Variants in FRMPD4 observed in about 807,000 individuals in gnomAD.
FRMPD4 encodes the protein FERM and PDZ domain-containing protein 4.
A neutral mutation model predicts 94.1 loss-of-function variants in FRMPD4; 22 were observed. The observed-to-expected ratio is 0.23, with a 90% CI of 0.17 to 0.33. The LOEUF (loss-of-function observed/expected upper bound fraction) is 0.33. Among genes scored for constraint, FRMPD4 ranks in the 10% least tolerant of loss-of-function variants. FRMPD4 has a pLI of 1.00. For missense variants in FRMPD4, 1,111 were observed against 1,339.9 expected (o/e 0.83, Z 2.67); for synonymous variants, 631 against 548.6 (o/e 1.15, Z -2.10).
At chrX:12,023,904 G>A (rs771077526) in intron 3 of FRMPD4, among the ~76,000 whole-genome samples, 45 of 111,750 alleles carry the variant, frequency 4.0e-4, no homozygotes, top group Non-Finnish European at 7.2e-4. Flanking sequence ...ATGCCCATTC[G>A]CTTTGTTCCT....
At chrX:12,662,570 A>G (rs1287523273) in intron 4 of FRMPD4, among the ~76,000 whole-genome samples, 8 of 112,315 alleles carry the variant, frequency 7.1e-5, no homozygotes, top group African/African-American at 1.3e-4. Flanking sequence ...CTTGGTGTAT[A>G]TGTGCCACGT....
At chrX:12,505,751 G>C (rs201665912) in intron 2 of FRMPD4, among the ~76,000 whole-genome samples, 54 of 89,616 alleles carry the variant, frequency 6.0e-4, no homozygotes, top group Admixed American at 3.1e-3. Context: ...AAAAAAAAAG[G>C]GGGGGAGAGC....
intron 3 of FRMPD4, among the ~76,000 whole-genome samples, chrX:11,976,148 G>A (rs1367703290): frequency 2.7e-5 from 3 of 111,476 alleles, no homozygotes; most frequent in Non-Finnish European, 3.8e-5. Flanking sequence ...CTTTTCTCCC[G>A]TTAATCCTGG....
intron 1 of FRMPD4, among the ~76,000 whole-genome samples, chrX:12,149,682 C>A (rs2055820714): frequency 1.8e-5 from 2 of 112,388 alleles, no homozygotes; most frequent in African/African-American, 6.5e-5. Flanking sequence ...GAATATGACA[C>A]AAACTTAGTT....
chrX:12,521,184 G>T (rs754861793), intron 2 of FRMPD4, among the ~76,000 whole-genome samples: 4 of 112,165 alleles, frequency 3.6e-5, no homozygotes, highest in Non-Finnish European at 7.5e-5. Flanking sequence ...TGGCTGATAG[G>T]ATTTGGCCCA....
At chrX:12,675,137 C>A (rs2059885375) in intron 5 of FRMPD4, among the ~76,000 whole-genome samples, 1 of 112,029 alleles carries the variant, frequency 8.9e-6, no homozygotes, top group African/African-American at 3.2e-5. Flanking sequence ...GAAAGACAAC[C>A]AGCTATTCCA....
At chrX:11,929,082 G>A (rs765381981) in intron 3 of FRMPD4, among the ~76,000 whole-genome samples, 21 of 112,388 alleles carry the variant, frequency 1.9e-4, no homozygotes, top group Non-Finnish European at 3.6e-4. Flanking sequence ...GTGGGGAACA[G>A]CACACGCTGG....
chrX:12,284,939 G>C (rs2054579248), intron 1 of FRMPD4, among the ~76,000 whole-genome samples: 1 of 111,880 alleles, frequency 8.9e-6, no homozygotes, highest in Non-Finnish European at 1.9e-5. Context: ...GGGAGTATTG[G>C]GAGGACTACG....
At chrX:12,525,771 C>T (rs1056225661) in intron 2 of FRMPD4, among the ~76,000 whole-genome samples, 6 of 112,156 alleles carry the variant, frequency 5.3e-5, no homozygotes, top group Non-Finnish European at 1.1e-4. Context: ...CCAGTTTCTC[C>T]ATATCCTTGA....
intron 3 of FRMPD4, among the ~76,000 whole-genome samples, chrX:12,051,294 C>G (rs758227840): frequency 1.8e-5 from 2 of 111,283 alleles, no homozygotes; most frequent in African/African-American, 3.3e-5. Context: ...TATTTTTAAT[C>G]ATAAATGTTT....
At chrX:12,049,414 G>A (rs2054803979) in intron 3 of FRMPD4, among the ~76,000 whole-genome samples, 1 of 111,258 alleles carries the variant, frequency 9.0e-6, no homozygotes. Context: ...CCTAGGTATA[G>A]AGTCATATTA....
At chrX:12,018,932 T>C (rs2054618492) in intron 3 of FRMPD4, among the ~76,000 whole-genome samples, 1 of 111,668 alleles carries the variant, frequency 9.0e-6, no homozygotes, top group Admixed American at 9.5e-5. Flanking sequence ...TGGCCAGAGG[T>C]GTTTTGGAAT....
intron 1 of FRMPD4, among the ~76,000 whole-genome samples, chrX:12,156,638 G>T (rs947454145): frequency 1.8e-5 from 2 of 112,052 alleles, no homozygotes; most frequent in African/African-American, 6.5e-5. Flanking sequence ...ATGCTTTTCT[G>T]TAATGTACAA....
At chrX:11,862,387 C>A (rs761274179) in intron 1 of FRMPD4, among the ~76,000 whole-genome samples, 2 of 111,151 alleles carry the variant, frequency 1.8e-5, no homozygotes, top group Non-Finnish European at 3.8e-5. Flanking sequence ...AAAAGAAGTT[C>A]TAGAAAGTAA....
chrX:12,517,441 A>G (rs187655158), intron 2 of FRMPD4, among the ~76,000 whole-genome samples: 6 of 111,869 alleles, frequency 5.4e-5, no homozygotes, highest in African/African-American at 1.6e-4. Context: ...TTTTCTTCTA[A>G]CTGTCAGGCC....
At chrX:12,500,315 TA>T (rs201467328) in intron 2 of FRMPD4, among the ~76,000 whole-genome samples, 1 of 111,877 alleles carries the variant, frequency 8.9e-6, no homozygotes. Flanking sequence ...GTCATTTTTA[TA>T]AAAAATATCT....
chrX:12,564,164 G>A (rs2058687828), intron 2 of FRMPD4, among the ~76,000 whole-genome samples: 1 of 111,568 alleles, frequency 9.0e-6, no homozygotes, highest in Non-Finnish European at 1.9e-5. Flanking sequence ...TATTTGTGAG[G>A]GCTCCATACT....
At chrX:12,343,494 A>T (rs1225416159) in intron 1 of FRMPD4, among the ~76,000 whole-genome samples, 1 of 110,844 alleles carries the variant, frequency 9.0e-6, no homozygotes, top group Non-Finnish European at 1.9e-5. Context: ...GGGATGTAAG[A>T]GTTGAAATTG....
At chrX:12,317,585 C>CAAAAAAAAAAAAAAAAAAAAAAA (rs376884335) in intron 1 of FRMPD4, among the ~76,000 whole-genome samples, 1 of 42,447 alleles carries the variant, frequency 2.4e-5, no homozygotes, top group African/African-American at 8.3e-5. Flanking sequence ...AACTAAATAG[C>CAAAAAAAAAAAAAAAAAAAAAAA]AAAAAAAAAA....
Sources: gnomAD v4.1 joint callset for allele counts (sites outside exome capture counted in the v4.1 genomes callset) on GRCh38, gnomAD v4.1.1 for gene constraint, MANE v1.5 for transcripts, NCBI Gene and HGNC (gene_info 2026-07-23, HGNC 2026-07-21) for gene names.